Variants in GOLGB1 observed in about 807,000 individuals in gnomAD.
GOLGB1 encodes golgin B1.
In GOLGB1, 174 loss-of-function variants were observed where a neutral mutation model predicts 336.9. The ratio of observed to expected loss-of-function variants is 0.52; its 90% CI spans 0.46 to 0.59. GOLGB1 has a LOEUF of 0.59. Ranked by LOEUF, GOLGB1 falls within the 20% of genes least tolerant of loss-of-function variation. GOLGB1 has a pLI of 0.00. For synonymous variants in GOLGB1, 1,208 were observed against 1,289.2 expected (o/e 0.94, Z 1.35); for missense variants, 3,331 against 3,645.3 (o/e 0.91, Z 2.22).
At chr3:121,724,476 G>C (rs1336393441) in intron 5 of GOLGB1, among the ~76,000 whole-genome samples, 1 of 152,032 alleles carries the variant, frequency 6.6e-6, no homozygotes, top group East Asian at 1.9e-4. Context: ...GTATATGGCA[G>C]GAGAAAATTT....
At chr3:121,726,881 C>T (rs753258485) in intron 5 of GOLGB1, 32 bp downstream of exon 5, 2 of 1,519,096 alleles carry the variant, frequency 1.3e-6, no homozygotes, top group South Asian at 1.3e-5. Flanking sequence ...GATTCATTAA[C>T]CTAATGATTA....
In GOLGB1 at chr3:121,716,834, C is replaced by A; in HGVS notation, c.1191G>T (p.Gln397His). The A allele has an allele frequency of 6.2e-7, 1 of 1,613,350 alleles. No individual in the cohort carries two copies. Among genetic ancestry groups the A allele is most frequent in the South Asian group, 1.1e-5 (1 of 91,074 alleles). Residue 397 changes from glutamine to histidine, a missense_variant, in exon 9 of 22, where the codon CAG becomes CAT. By Grantham distance (24) the Gln-to-His change is conservative (BLOSUM62 0). Coordinates refer to ENST00000614479, the MANE Select transcript of GOLGB1 (RefSeq NM_001366282.2). Reference sequence around the variant, plus strand: ...GATCCTTTAGAGCATCACAGGCAGACTGCAGCTCTTGTCCAGTCTTTTGAA... The same window carrying A: ...GATCCTTTAGAGCATCACAGGCAGAATGCAGCTCTTGTCCAGTCTTTTGAA... ...LSLQKTGQELQSACDALKDQN... is the reference protein window; with the variant it reads ...LSLQKTGQELHSACDALKDQN...
intron 11 of GOLGB1, among the ~76,000 whole-genome samples, chr3:121,700,720 T>C (rs918895074): frequency 9.2e-5 from 14 of 151,994 alleles, no homozygotes; most frequent in Admixed American, 7.2e-4. Flanking sequence ...CCTGAGAACA[T>C]TTGTACTGCT....
At chr3:121,671,497 TA>T (rs1356773479) in intron 17 of GOLGB1, among the ~76,000 whole-genome samples, 2 of 152,176 alleles carry the variant, frequency 1.3e-5, no homozygotes, top group Non-Finnish European at 2.9e-5. Flanking sequence ...CCCAGATACT[TA>T]AAAAATTTTT....
chr3:121,738,113 T>C (rs1946608610), intron 1 of GOLGB1, among the ~76,000 whole-genome samples: 1 of 152,236 alleles, frequency 6.6e-6, no homozygotes, highest in Non-Finnish European at 1.5e-5. Context: ...TGGTTAACTT[T>C]TAATGAAGGA....
intron 18 of GOLGB1, among the ~76,000 whole-genome samples, chr3:121,668,720 T>C (rs889742366): frequency 6.6e-6 from 1 of 151,364 alleles, no homozygotes; most frequent in Non-Finnish European, 1.5e-5. Flanking sequence ...TGGATGCTTA[T>C]GGCTTTTCCA....
At chr3:121,730,183 TTAAG>T in intron 2 of GOLGB1, 166 bp from the exon 3 acceptor site, 1 of 505,056 alleles carries the variant, frequency 2.0e-6, no homozygotes, top group South Asian at 3.5e-5. Context: ...TTACAATATA[TTAAG>T]TATTTTATAA....
chr3:121,664,985 A>T lies in GOLGB1; in HGVS notation c.9601T>A (p.Ser3201Thr). Residue 3201 changes from serine to threonine, a missense_variant, in exon 21 of 22, where the codon TCC becomes ACC. Ser to Thr is a moderately conservative substitution (Grantham distance 58). Coordinates refer to ENST00000614479, the MANE Select transcript of GOLGB1 (RefSeq NM_001366282.2). ...AGTGCCTGCTCCTGAGTGCCACAGG[A>T]GCCAATGATAGGAGTCCGGGAAGAG... ...WDSSRTPIIG[S>T]CGTQEQALLI... 8 of 1,612,116 alleles carry T rather than the reference A, an allele frequency of 5.0e-6. No homozygotes were observed. The highest frequency in any genetic ancestry group is 6.8e-6 in the Non-Finnish European group (8 of 1,178,142).
intron 10 of GOLGB1, among the ~76,000 whole-genome samples, chr3:121,713,209 C>T (rs537045911): frequency 1.3e-5 from 2 of 152,184 alleles, no homozygotes; most frequent in South Asian, 4.2e-4. Flanking sequence ...CTGGCAGTTC[C>T]TTATAAAGCT....
chr3:121,745,018 C>T (rs1947149767), intron 1 of GOLGB1, among the ~76,000 whole-genome samples: 1 of 152,104 alleles, frequency 6.6e-6, no homozygotes, highest in African/African-American at 2.4e-5. Flanking sequence ...CCCTACTCTA[C>T]AGCTGTTGAC....
intron 4 of GOLGB1, among the ~76,000 whole-genome samples, chr3:121,727,321 T>TATATATATATATATA (rs1491103201): frequency 1.0e-4 from 3 of 29,030 alleles, no homozygotes; most frequent in African/African-American, 4.2e-4. Flanking sequence ...TATATATATA[T>TATATATATATATATA]TTTTTTTTTT....
Position 121,691,163 on chromosome 3 carries a change from AG to A in GOLGB1, c.8200del (p.Leu2734SerfsTer12). 3.7e-6 allele frequency: 6 copies of A among 1,613,636 alleles called. No individual in the cohort carries two copies. The highest frequency in any genetic ancestry group is 5.1e-6 in the Non-Finnish European group (6 of 1,179,906). On this transcript the variant is annotated frameshift_variant, in exon 14 of 22. Coordinates refer to ENST00000614479, the MANE Select transcript of GOLGB1 (RefSeq NM_001366282.2). LOFTEE classifies it high-confidence loss of function. ...TCCAAAAGACTGAATTTGTGCTGTG[AG>A]ACCTTTATTTTCTTTGGTGACCATG... ...LLMVTKENKG[L>X]TAQIQSFGRS...
chr3:121,700,454 T>C (rs10049460), intron 11 of GOLGB1, among the ~76,000 whole-genome samples: 5,629 of 152,168 alleles, frequency 0.037, 157 homozygotes, highest in Non-Finnish European at 0.057. Flanking sequence ...ACAATGTGTA[T>C]ATATTGAGCA....
Position 121,691,837 on chromosome 3 carries a change from C to T in GOLGB1, c.7527G>A (p.Glu2509=). The T allele has an allele frequency of 6.2e-7, 1 of 1,613,192 alleles. No individual in the cohort carries two copies. The highest frequency in any genetic ancestry group is 1.1e-5 in the South Asian group (1 of 90,810). The part of the protein sequence containing the change: ...KDQLIQEAAA[E]NNKLKEEIRG... ...GTATTTCTTCTTTAAGCTTATTATT[C>T]TCTGCAGCAGCCTCTTGGATGAGTT... Residue 2509 remains glutamate, a synonymous_variant, in exon 14 of 22, where the codon GAG becomes GAA. Transcript: ENST00000614479.
Position 121,745,536 on chromosome 3 carries a change from GTA to G in GOLGB1, c.-3+4094_-3+4095del, listed in dbSNP as rs532243266. Among the ~76,000 whole-genome samples, 35 of 148,644 alleles carry G rather than the reference GTA, an allele frequency of 2.4e-4. 1 individual carries two copies. The highest frequency in any genetic ancestry group is 7.1e-4 in the African/African-American group (28 of 39,474). ...TATATATACATATGTATACGTGTAT[GTA>G]TATATATACATATGTATACGTGTAT... is the stretch of plus-strand genomic sequence containing the variant. On this transcript the variant is annotated intron_variant, in intron 1 of 21. Coordinates refer to ENST00000614479, the MANE Select transcript of GOLGB1 (RefSeq NM_001366282.2).
Position 121,707,235 on chromosome 3 carries a change from A to AAC in GOLGB1, c.1405-4641_1405-4640insGT, listed in dbSNP as rs1378845118. Among the ~76,000 whole-genome samples the AAC allele has an allele frequency of 2.5e-3, 373 of 151,044 alleles. 9 individuals carry two copies. The highest frequency in any genetic ancestry group is 1.5e-3 in the Non-Finnish European group (99 of 67,714). On this transcript the variant is annotated intron_variant, in intron 10 of 21. Coordinates refer to ENST00000614479, the MANE Select transcript of GOLGB1 (RefSeq NM_001366282.2). ...AGTGAGACTCCATCTCAAAAAAAAA[A>AAC]AAAAAAACAAAAATAAAAACAAACA...
In GOLGB1 at chr3:121,708,371, C is replaced by G. The variant is rs189682228; in HGVS notation, c.1405-5776G>C. On this transcript the variant is annotated intron_variant, in intron 10 of 21. Transcript: ENST00000614479. ...ATTGTTCTGGGTGCTATGGCTTATA[C>G]CTGTAATCCCAGCACTTCGGGAGAC... Among the ~76,000 whole-genome samples, 50 of 152,158 alleles carry G rather than the reference C, an allele frequency of 3.3e-4. No individual in the cohort carries two copies. In the East Asian group the frequency reaches 9.5e-3, roughly 29 times the overall value.
At position 121,688,056 on chromosome 3, in the gene GOLGB1, T is replaced by C. The variant is rs188972914; in HGVS notation, c.8694+2614A>G. ...TATAAATATGGGATATTAAGTGAGA[T>C]AGGAATGAATACAATTACCTACAAT... On this transcript the variant is annotated intron_variant, in intron 14 of 21. Transcript: ENST00000614479. Among the ~76,000 whole-genome samples, 585 of 152,324 alleles carry C rather than the reference T, an allele frequency of 3.8e-3. 4 individuals are homozygous for C. Among genetic ancestry groups the C allele is most frequent in the Non-Finnish European group, 6.6e-3 (448 of 68,024 alleles).
intron 1 of GOLGB1, among the ~76,000 whole-genome samples, chr3:121,731,823 AT>A (rs1284049363): frequency 1.3e-5 from 2 of 152,306 alleles, no homozygotes; most frequent in South Asian, 4.1e-4. Context: ...AAAAATAAAA[AT>A]AAAAATCAGA....
Sources: gnomAD v4.1 joint callset for allele counts (sites outside exome capture counted in the v4.1 genomes callset) on GRCh38, gnomAD v4.1.1 for gene constraint, MANE v1.5 for transcripts, NCBI Gene and HGNC (gene_info 2026-07-23, HGNC 2026-07-21) for gene names.